TLN2: variants seen among roughly 807,000 people sequenced by gnomAD.
TLN2 encodes the protein talin-2.
In TLN2, 118 loss-of-function variants were observed where a neutral mutation model predicts 294.7. The observed-to-expected ratio is 0.40, with a 90% CI of 0.34 to 0.47. The LOEUF is 0.47. TLN2 is among the 20% of genes least tolerant of loss of function. The pLI is 0.84. For missense variants in TLN2, 3,083 were observed against 3,282.2 expected, an observed-to-expected ratio of 0.94 and a Z score of 1.48; for synonymous variants, 1,431 against 1,304.5, an observed-to-expected ratio of 1.10 and a Z score of -2.09.
intron 27 of TLN2, among the ~76,000 whole-genome samples, chr15:62,725,659 A>C (rs193153011): frequency 2.4e-4 from 37 of 152,302 alleles, no homozygotes; most frequent in African/African-American, 8.4e-4. Context: ...TGTATTAAGC[A>C]CCTGTGAAGC....
intron 1 of TLN2, among the ~76,000 whole-genome samples, chr15:62,515,544 A>C (rs1273641709): frequency 2.0e-5 from 3 of 152,192 alleles, no homozygotes; most frequent in Non-Finnish European, 4.4e-5. Context: ...CTTTGTGATG[A>C]GTGTTCTCCC....
In TLN2 at chr15:62,839,019, GAGAGGTGTTGGGTTATAACAGAGACAA is replaced by G. The variant is rs768707581; in HGVS notation, c.7500+40_7500+66del. ...ATCAAGAATAGTATTTACTTCCCGA[GAGAGGTGTTGGGTTATAACAGAGACAA>G]AAGAATAGTGACTTCAAGATGAAAG... On this transcript the variant is annotated intron_variant, in intron 58 of 58. Coordinates refer to ENST00000636159, the MANE Select transcript of TLN2 (RefSeq NM_015059.3). 8.1e-6 allele frequency: 13 copies of G among 1,598,090 alleles called. No individual in the cohort carries two copies. In the African/African-American group the frequency reaches 1.9e-4, roughly 24 times the overall value.
At chr15:62,592,771 C>T (rs143481730) in intron 2 of TLN2, among the ~76,000 whole-genome samples, 12 of 152,240 alleles carry the variant, frequency 7.9e-5, no homozygotes, top group African/African-American at 2.4e-4. Context: ...GAATTTGAGA[C>T]GGCCACGCTT....
intron 1 of TLN2, among the ~76,000 whole-genome samples, chr15:62,450,533 GTA>G (rs2036053743): frequency 1.8e-5 from 1 of 55,544 alleles, no homozygotes; most frequent in African/African-American, 5.5e-5. Context: ...ATGTATGTAT[GTA>G]TGTATGTATG....
chr15:62,780,974 C>T (rs1341591872), intron 43 of TLN2, among the ~76,000 whole-genome samples, 166 bp from the exon 44 acceptor site: 1 of 152,198 alleles, frequency 6.6e-6, no homozygotes, highest in Non-Finnish European at 1.5e-5. Context: ...GCCTTATGTG[C>T]CCTTCTGTTG....
chr15:62,502,918 C>A (rs1264059111), intron 1 of TLN2, among the ~76,000 whole-genome samples: 1 of 152,106 alleles, frequency 6.6e-6, no homozygotes, highest in Non-Finnish European at 1.5e-5. Context: ...GTTAAAGAGC[C>A]CAGAGGTGGG....
intron 11 of TLN2, among the ~76,000 whole-genome samples, chr15:62,683,339 G>GAACCCTTGATCACAGCTGGCTGCCAGGA (rs2056997667): frequency 6.6e-6 from 1 of 152,102 alleles, no homozygotes; most frequent in Non-Finnish European, 1.5e-5. Context: ...GGCTGCCAGG[G>GAACCCTTGATCACAGCTGGCTGCCAGGA]CTGAACCCGT....
At chr15:62,508,754 T>C (rs927563487) in intron 1 of TLN2, among the ~76,000 whole-genome samples, 3 of 152,252 alleles carry the variant, frequency 2.0e-5, no homozygotes, top group African/African-American at 7.2e-5. Flanking sequence ...GAATTTTTAG[T>C]ACAGCATTTA....
chr15:62,427,212 A>G lies in TLN2; in HGVS notation c.-238+36527A>G, dbSNP rs576606343. Among the ~76,000 whole-genome samples the G allele has an allele frequency of 9.9e-5, 15 of 152,082 alleles. No homozygotes were observed. In the South Asian group the frequency reaches 3.1e-3, roughly 32 times the overall value. On this transcript the variant is annotated intron_variant, in intron 1 of 58. Coordinates refer to ENST00000636159, the MANE Select transcript of TLN2 (RefSeq NM_015059.3). ...GATATCCCTCTGGAACTTATTTTAT[A>G]TTTTCATCCACAAACAGGATTTATG...
intron 43 of TLN2, among the ~76,000 whole-genome samples, chr15:62,780,936 G>A (rs2064110842): frequency 6.6e-6 from 1 of 152,156 alleles, no homozygotes; most frequent in African/African-American, 2.4e-5. Flanking sequence ...GCAAGGCTGG[G>A]AGCCTCTCCT....
intron 24 of TLN2, 28 bp from the exon 25 acceptor site, chr15:62,719,739 G>T (rs1473251704): frequency 6.5e-7 from 1 of 1,543,900 alleles, no homozygotes; most frequent in East Asian, 2.3e-5. Flanking sequence ...TTCTAGCCAT[G>T]CTGTTTTTAT....
rs1218716062 is a variant in TLN2, at chr15:62,722,553, C to T, written c.3126+66C>T. 7 of 1,539,366 alleles carry T rather than the reference C, an allele frequency of 4.5e-6. No homozygotes were observed. In the East Asian group the frequency reaches 9.1e-5, roughly 20 times the overall value. Reference sequence around the variant, plus strand: ...GAGCTGGGGTGGCATGGGTACCACCCAGGGCCTGAACACTGCTGAACCTAT... The same window carrying T: ...GAGCTGGGGTGGCATGGGTACCACCTAGGGCCTGAACACTGCTGAACCTAT... On this transcript the variant is annotated intron_variant, in intron 26 of 58. Transcript: ENST00000636159.
intron 1 of TLN2, among the ~76,000 whole-genome samples, chr15:62,579,904 C>T (rs898378794): frequency 6.6e-6 from 1 of 152,152 alleles, no homozygotes; most frequent in African/African-American, 2.4e-5. Flanking sequence ...ATGCACCTTC[C>T]CAGGGTCAGT....
intron 1 of TLN2, among the ~76,000 whole-genome samples, chr15:62,580,233 A>G (rs1312312989): frequency 6.6e-6 from 1 of 152,222 alleles, no homozygotes; most frequent in Non-Finnish European, 1.5e-5. Context: ...AACAAAATTG[A>G]GTGGGAAGTA....
chr15:62,497,192 C>T (rs973772400), intron 1 of TLN2, among the ~76,000 whole-genome samples: 1 of 152,150 alleles, frequency 6.6e-6, no homozygotes, highest in African/African-American at 2.4e-5. Context: ...AATAAATGTT[C>T]GCTGAGGGAG....
At chr15:62,626,769 T>A (rs1416460066) in intron 3 of TLN2, among the ~76,000 whole-genome samples, 3 of 152,146 alleles carry the variant, frequency 2.0e-5, no homozygotes, top group Non-Finnish European at 4.4e-5. Flanking sequence ...TATTGCTACT[T>A]GGGAGGCTAC....
chr15:62,629,861 T>A (rs566220134), intron 3 of TLN2, among the ~76,000 whole-genome samples: 7 of 152,154 alleles, frequency 4.6e-5, no homozygotes, highest in African/African-American at 1.7e-4. Flanking sequence ...AAATTGAGAG[T>A]CCTAATACAT....
chr15:62,787,344 T>A (rs8041447), intron 45 of TLN2, among the ~76,000 whole-genome samples: 93,293 of 152,036 alleles, frequency 0.61, 28,984 homozygotes, highest in Non-Finnish European at 0.66. Flanking sequence ...TGTTTTGTTG[T>A]GTTTGAGGCA....
chr15:62,467,831 C>T (rs960323148), intron 1 of TLN2, among the ~76,000 whole-genome samples: 2 of 152,178 alleles, frequency 1.3e-5, no homozygotes, highest in African/African-American at 4.8e-5. Flanking sequence ...TCAGGTGGCC[C>T]ACCCCTTTAG....
Sources: gnomAD v4.1 joint callset for allele counts (sites outside exome capture counted in the v4.1 genomes callset) on GRCh38, gnomAD v4.1.1 for gene constraint, MANE v1.5 for transcripts, NCBI Gene and HGNC (gene_info 2026-07-23, HGNC 2026-07-21) for gene names.